GRAMD1B: variants seen among roughly 807,000 people sequenced by gnomAD.
The protein encoded by GRAMD1B is GRAM domain containing 1B.
GRAMD1B carries 37 observed loss-of-function variants against 99.7 expected under a neutral mutation model. The observed-to-expected ratio is 0.37, with a 90% CI of 0.29 to 0.49. The LOEUF (loss-of-function observed/expected upper bound fraction) is 0.49, where lower values mean the gene tolerates loss of function less well. Among genes scored for constraint, GRAMD1B ranks in the 20% least tolerant of loss-of-function variants. The probability of loss-of-function intolerance (pLI) is 0.98; values close to 1 mark genes in which losing one functional copy is unlikely to be tolerated. For synonymous variants in GRAMD1B, 427 were observed against 387.6 expected, an observed-to-expected ratio of 1.10 and a Z score of -1.19; for missense variants, 888 against 1,009.2, an observed-to-expected ratio of 0.88 and a Z score of 1.63.
intron 1 of GRAMD1B, among the ~76,000 whole-genome samples, chr11:123,432,563 A>G (rs1948949377): frequency 6.6e-6 from 1 of 151,686 alleles, no homozygotes; most frequent in African/African-American, 2.4e-5. Flanking sequence ...CTCAAAAAAA[A>G]AAAAAAAAAT....
chr11:123,531,152 C>T (rs1357793225), intron 2 of GRAMD1B, among the ~76,000 whole-genome samples: 3 of 152,114 alleles, frequency 2.0e-5, no homozygotes, highest in African/African-American at 7.2e-5. Flanking sequence ...CACCCTCCTG[C>T]GAACAGTGTG....
chr11:123,391,882 G>A (rs550967633), intron 1 of GRAMD1B, among the ~76,000 whole-genome samples: 46 of 152,342 alleles, frequency 3.0e-4, no homozygotes, highest in African/African-American at 8.9e-4. Flanking sequence ...AAGCCACTGC[G>A]TGTGCATGGG....
intron 2 of GRAMD1B, among the ~76,000 whole-genome samples, chr11:123,567,255 G>A (rs1947495156): frequency 1.3e-5 from 2 of 152,182 alleles, no homozygotes; most frequent in African/African-American, 4.8e-5. Flanking sequence ...AGAAGTTGAG[G>A]AAATAGTTGG....
intron 19 of GRAMD1B, chr11:123,619,441 A>G: frequency 7.4e-7 from 1 of 1,350,348 alleles, no homozygotes; most frequent in Non-Finnish European, 9.6e-7. Context: ...CAATAAAATG[A>G]CCCACTGAAT....
intron 1 of GRAMD1B, among the ~76,000 whole-genome samples, chr11:123,439,145 G>C (rs146323036): frequency 5.9e-5 from 9 of 152,342 alleles, no homozygotes; most frequent in African/African-American, 1.7e-4. Flanking sequence ...GAATCTATGA[G>C]CTCTTCTCCT....
intron 2 of GRAMD1B, among the ~76,000 whole-genome samples, chr11:123,561,380 G>A (rs897827018): frequency 6.6e-6 from 1 of 152,198 alleles, no homozygotes; most frequent in African/African-American, 2.4e-5. Context: ...AGATGGATCT[G>A]GCCAGCAGAA....
intron 3 of GRAMD1B, among the ~76,000 whole-genome samples, chr11:123,578,682 C>T (rs1949007189): frequency 6.6e-6 from 1 of 152,196 alleles, no homozygotes; most frequent in Non-Finnish European, 1.5e-5. Flanking sequence ...TCTGCCTGCT[C>T]CCTGGACACT....
Position 123,483,563 on chromosome 11 carries a change from A to G in GRAMD1B, c.452+2670A>G, listed in dbSNP as rs558219259. Among the ~76,000 whole-genome samples the G allele has an allele frequency of 3.3e-5, 5 of 151,598 alleles. No homozygotes were observed. In the East Asian group the frequency reaches 9.7e-4, roughly 29 times the overall value. On this transcript the variant is annotated intron_variant, in intron 2 of 19. Coordinates refer to ENST00000635736, the MANE Select transcript of GRAMD1B (RefSeq NM_001387025.1). ...CACCATACCTGGCTAATTTTTGTATATTTTTGTAGAGACAAGTTCTTGCCA... is the reference window on the plus strand; with the variant it reads ...CACCATACCTGGCTAATTTTTGTATGTTTTTGTAGAGACAAGTTCTTGCCA...
chr11:123,514,319 G>A (rs907841811), intron 2 of GRAMD1B, among the ~76,000 whole-genome samples: 4 of 152,196 alleles, frequency 2.6e-5, no homozygotes, highest in African/African-American at 9.7e-5. Flanking sequence ...GTGATTTAGA[G>A]TTGGACATAT....
intron 1 of GRAMD1B, among the ~76,000 whole-genome samples, chr11:123,418,930 G>A (rs1442131508): frequency 1.3e-5 from 2 of 152,222 alleles, no homozygotes; most frequent in East Asian, 3.8e-4. Context: ...CAACAACGAT[G>A]AATGGGACAT....
chr11:123,525,230 G>A (rs1013664578), intron 2 of GRAMD1B, among the ~76,000 whole-genome samples: 9 of 152,230 alleles, frequency 5.9e-5, no homozygotes, highest in Admixed American at 2.0e-4. Context: ...CCCAGCAGGA[G>A]GAGAGAGCTG....
In GRAMD1B at chr11:123,610,231, C is replaced by T. The variant is rs767728499; in HGVS notation, c.1812C>T (p.Tyr604=). 5.5e-5 allele frequency: 89 copies of T among 1,613,686 alleles called. No homozygotes were observed. The highest frequency in any genetic ancestry group is 6.8e-5 in the Non-Finnish European group (80 of 1,179,732). The change falls in exon 14 of 20, where the codon TAC becomes TAT. Residue 604 remains tyrosine (Y), a synonymous_variant. Coordinates refer to ENST00000635736, the MANE Select transcript of GRAMD1B (RefSeq NM_001387025.1). This position sits in a 1 kb window ranked among gnomAD's most constrained non-coding sequence, Gnocchi z 4.1. ...AGGCGAGCCAGGAGAGTGAATGTTA[C>T]GTGATAGATGCCGAAGTCCTCACCC... ...MYKASQESEC[Y]VIDAEVLTHD...
chr11:123,445,952 T>C (rs1349867909), intron 1 of GRAMD1B, among the ~76,000 whole-genome samples: 3 of 152,138 alleles, frequency 2.0e-5, no homozygotes, highest in African/African-American at 7.2e-5. Flanking sequence ...ACCTAAGATC[T>C]AACTGAAATC....
intron 1 of GRAMD1B, among the ~76,000 whole-genome samples, chr11:123,422,721 A>G (rs1948494105): frequency 6.6e-6 from 1 of 152,182 alleles, no homozygotes; most frequent in Admixed American, 6.5e-5. Flanking sequence ...TTTATGCCTC[A>G]ATGCCTCTGC....
chr11:123,560,341 TA>T, intron 2 of GRAMD1B: 1 of 1,164,514 alleles, frequency 8.6e-7, no homozygotes, highest in Non-Finnish European at 1.1e-6. Flanking sequence ...GGGACTTCTG[TA>T]AGGCGGCACG....
intron 2 of GRAMD1B, among the ~76,000 whole-genome samples, chr11:123,513,578 T>TTCCTTTCCTTCCTTCCTTCC (rs1555050112): frequency 7.2e-5 from 3 of 41,692 alleles, no homozygotes; most frequent in Non-Finnish European, 1.4e-4. Flanking sequence ...CCTTCCTTCC[T>TTCCTTTCCTTCCTTCCTTCC]TTCCTTCCTT....
chr11:123,520,318 T>G (rs1198274535), intron 2 of GRAMD1B, among the ~76,000 whole-genome samples: 1 of 152,188 alleles, frequency 6.6e-6, no homozygotes, highest in African/African-American at 2.4e-5. Flanking sequence ...AAAGTATAGC[T>G]GTGAAAATGC....
chr11:123,596,924 A>T (rs1951340883), intron 7 of GRAMD1B, among the ~76,000 whole-genome samples: 1 of 152,070 alleles, frequency 6.6e-6, no homozygotes, highest in Non-Finnish European at 1.5e-5. Context: ...GCAGCTGCTC[A>T]ACTCTACCCA....
At chr11:123,574,727 A>C (rs1948531136) in intron 2 of GRAMD1B, among the ~76,000 whole-genome samples, 1 of 152,152 alleles carries the variant, frequency 6.6e-6, no homozygotes, top group African/African-American at 2.4e-5. Flanking sequence ...GTCTGGAGGA[A>C]GCATCCACCT....
Sources: allele counts gnomAD v4.1 joint callset (sites outside exome capture counted in the v4.1 genomes callset), GRCh38; gene constraint gnomAD v4.1.1; non-coding constraint Gnocchi (gnomAD v3.1); transcripts MANE v1.5; gene names NCBI Gene and HGNC (gene_info 2026-07-23, HGNC 2026-07-21).